Variants in LRFN5 observed in about 807,000 individuals in gnomAD.
The protein encoded by LRFN5 is leucine-rich repeat and fibronectin type-III domain-containing protein 5.
Under a neutral mutation model 45.6 loss-of-function variants are expected in LRFN5, and 24 were observed. That is an observed-to-expected ratio of 0.53 (90% CI 0.38 to 0.74). The LOEUF is 0.74. Among genes scored for constraint, LRFN5 ranks in the 30% least tolerant of loss-of-function variants. LRFN5 has a pLI of 0.00. For synonymous variants in LRFN5, 340 were observed against 313.8 expected (o/e 1.08, Z -0.88); for missense variants, 776 against 861.5 (o/e 0.90, Z 1.24).
At chr14:41,898,715 G>A (rs1388962453) in intron 4 of LRFN5, among the ~76,000 whole-genome samples, 3 of 151,906 alleles carry the variant, frequency 2.0e-5, no homozygotes, top group African/African-American at 7.2e-5. Context: ...TTAGGAATAA[G>A]AAAGTAGACA....
intron 1 of LRFN5, among the ~76,000 whole-genome samples, chr14:41,685,983 T>C (rs971851248): frequency 6.6e-6 from 1 of 152,142 alleles, no homozygotes; most frequent in African/African-American, 2.4e-5. Context: ...TTTAAAATAG[T>C]TTTTTCTAAT....
At chr14:41,650,267 A>ACAC (rs1555351106) in intron 1 of LRFN5, among the ~76,000 whole-genome samples, 8 of 121,814 alleles carry the variant, frequency 6.6e-5, no homozygotes, top group Admixed American at 3.4e-4. Context: ...ACACACACAC[A>ACAC]AAAAAAAAAA....
chr14:41,820,477 A>G (rs900466992), intron 2 of LRFN5, among the ~76,000 whole-genome samples: 2 of 151,904 alleles, frequency 1.3e-5, no homozygotes, highest in Admixed American at 6.6e-5. Flanking sequence ...CCATGTGTCT[A>G]TTTTTATACC....
intron 2 of LRFN5, among the ~76,000 whole-genome samples, chr14:41,797,189 C>T (rs1241208529): frequency 6.6e-6 from 1 of 151,614 alleles, no homozygotes; most frequent in Non-Finnish European, 1.5e-5. Context: ...ACTGTGTTTC[C>T]TTAGCATTTT....
At position 41,783,859 on chromosome 14, in the gene LRFN5, G is replaced by T. The variant is rs1431226822; in HGVS notation, c.-21+16830G>T. Among the ~76,000 whole-genome samples, 7 of 151,898 alleles carry T rather than the reference G, an allele frequency of 4.6e-5. No individual in the cohort carries two copies. The East Asian group carries it at 1.2e-3, about 25-fold the overall frequency. ...TAATGGTGATTTTTGATTAATAGAG[G>T]TTCTTACTTTTAATGTAGTACAATT... On this transcript the variant is annotated intron_variant, in intron 2 of 5. Coordinates refer to ENST00000298119, the MANE Select transcript of LRFN5 (RefSeq NM_152447.5).
At chr14:41,816,700 A>G (rs571558328) in intron 2 of LRFN5, among the ~76,000 whole-genome samples, 5 of 151,998 alleles carry the variant, frequency 3.3e-5, no homozygotes, top group African/African-American at 1.2e-4. Flanking sequence ...GTATTTTCCA[A>G]ACTTTGTCTC....
intron 2 of LRFN5, among the ~76,000 whole-genome samples, chr14:41,776,048 T>C (rs1246393672): frequency 6.6e-6 from 1 of 152,176 alleles, no homozygotes; most frequent in Non-Finnish European, 1.5e-5. Flanking sequence ...TGTCACTAAG[T>C]AGTGATTCCA....
rs1439212877 is a variant in LRFN5, at chr14:41,607,507, C to T, written c.-1252C>T. The T allele has an allele frequency of 6.6e-6, 1 of 152,180 alleles. No individual in the cohort carries two copies. Among genetic ancestry groups the T allele is most frequent in the East Asian group, 1.9e-4 (1 of 5,162 alleles). 9.4% of individuals were successfully genotyped at this position (152,180 alleles called of 1,614,324 possible). A position where few individuals can be genotyped will look rare whatever the true frequency, so the allele number is the denominator to read the frequency against. ...GGCATGTCTCTAGTGTTTTGTAAGC[C>T]GCTTTCCAGCTAGCTGCGTGTGTGT... On this transcript the variant is annotated 5_prime_UTR_variant, in exon 1 of 6. Coordinates refer to ENST00000298119, the MANE Select transcript of LRFN5 (RefSeq NM_152447.5).
chr14:41,738,770 T>C (rs1884559291), intron 1 of LRFN5, among the ~76,000 whole-genome samples: 1 of 152,160 alleles, frequency 6.6e-6, no homozygotes, highest in Non-Finnish European at 1.5e-5. Flanking sequence ...CTTTTAGCAA[T>C]TTATTTATAA....
intron 2 of LRFN5, among the ~76,000 whole-genome samples, chr14:41,869,379 G>A (rs569186660): frequency 1.1e-4 from 16 of 150,680 alleles, no homozygotes; most frequent in Non-Finnish European, 1.9e-4. Flanking sequence ...GGCATCTTAC[G>A]TTTCCTAAAT....
chr14:41,873,405 AAGAG>A (rs950826272), intron 2 of LRFN5, among the ~76,000 whole-genome samples: 4 of 122,638 alleles, frequency 3.3e-5, no homozygotes, highest in African/African-American at 9.3e-5. Flanking sequence ...AGAGAGGAGA[AAGAG>A]AGAGAGAGAC....
At position 41,657,095 on chromosome 14, in the gene LRFN5, A is replaced by G. The variant is rs533345806; in HGVS notation, c.-197+48533A>G. 7.9e-5 allele frequency among the ~76,000 whole-genome samples: 12 copies of G among 152,054 alleles called. No individual in the cohort carries two copies. The East Asian group carries it at 1.9e-3, about 24-fold the overall frequency. ...GATCATTTGTTTTCAAGGGAAAGAA[A>G]TGAAATACATCTTTGTTTTCCAGCC... is the stretch of plus-strand genomic sequence containing the variant. On this transcript the variant is annotated intron_variant, in intron 1 of 5. Coordinates refer to ENST00000298119, the MANE Select transcript of LRFN5 (RefSeq NM_152447.5).
intron 1 of LRFN5, among the ~76,000 whole-genome samples, chr14:41,758,996 G>C (rs1465453813): frequency 6.6e-6 from 1 of 152,100 alleles, no homozygotes; most frequent in Non-Finnish European, 1.5e-5. Flanking sequence ...GCTAGATGCT[G>C]CAGGGCATAC....
chr14:41,754,215 C>G lies in LRFN5; in HGVS notation c.-196-12639C>G, dbSNP rs560717594. On this transcript the variant is annotated intron_variant, in intron 1 of 5. Coordinates refer to ENST00000298119, the MANE Select transcript of LRFN5 (RefSeq NM_152447.5). Reference sequence around the variant, plus strand: ...ATCGATGTTCATCGGGGATATTGGTCTAAAATTCTCTTTTTTTGTTGTGTC... The same window carrying G: ...ATCGATGTTCATCGGGGATATTGGTGTAAAATTCTCTTTTTTTGTTGTGTC... Among the ~76,000 whole-genome samples, 1,051 of 152,160 alleles carry G rather than the reference C, an allele frequency of 6.9e-3. 10 individuals are homozygous for G. The highest frequency in any genetic ancestry group is 0.011 in the Non-Finnish European group (721 of 68,006).
At chr14:41,840,607 T>C (rs770159644) in intron 2 of LRFN5, among the ~76,000 whole-genome samples, 9 of 152,036 alleles carry the variant, frequency 5.9e-5, no homozygotes, top group Non-Finnish European at 1.0e-4. Context: ...TAGGCATAAA[T>C]ATTTTCTGTG....
intron 2 of LRFN5, among the ~76,000 whole-genome samples, chr14:41,866,519 A>T (rs1241254170): frequency 6.6e-6 from 1 of 152,156 alleles, no homozygotes; most frequent in Non-Finnish European, 1.5e-5. Context: ...CGAACCAAGG[A>T]GGCCAAGGAT....
chr14:41,811,543 C>T (rs940325722), intron 2 of LRFN5, among the ~76,000 whole-genome samples: 2 of 151,924 alleles, frequency 1.3e-5, no homozygotes, highest in Admixed American at 6.6e-5. Flanking sequence ...ACTGATAAAT[C>T]CATAAATAAA....
chr14:41,656,369 C>T lies in LRFN5; in HGVS notation c.-197+47807C>T, dbSNP rs183155450. ...AAGGCATGAAAGAAATGAATTTGAA[C>T]GCATTAGTTATTCACACCGAATTTT... On this transcript the variant is annotated intron_variant, in intron 1 of 5. Coordinates refer to ENST00000298119, the MANE Select transcript of LRFN5 (RefSeq NM_152447.5). Among the ~76,000 whole-genome samples the T allele has an allele frequency of 7.7e-3, 1,171 of 152,076 alleles. 7 individuals are homozygous for T. The highest frequency in any genetic ancestry group is 0.011 in the Non-Finnish European group (775 of 67,916).
intron 1 of LRFN5, among the ~76,000 whole-genome samples, chr14:41,650,769 G>A (rs577754482): frequency 5.3e-5 from 8 of 152,160 alleles, no homozygotes; most frequent in Non-Finnish European, 8.8e-5. Flanking sequence ...ACATTAGAAT[G>A]TGGTGTAGCC....
Sources: gnomAD v4.1 joint callset for allele counts (sites outside exome capture counted in the v4.1 genomes callset) on GRCh38, gnomAD v4.1.1 for gene constraint, MANE v1.5 for transcripts, NCBI Gene and HGNC (gene_info 2026-07-23, HGNC 2026-07-21) for gene names.